Variants in DSCAML1 observed in about 807,000 individuals in gnomAD.
DSCAML1 encodes the protein cell adhesion molecule DSCAML1.
In DSCAML1, 38 loss-of-function variants were observed where a neutral mutation model predicts 200.5. That is an observed-to-expected ratio of 0.19 (90% CI 0.15 to 0.25). The LOEUF is 0.25. Ranked by LOEUF, DSCAML1 falls within the 10% of genes least tolerant of loss-of-function variation. The probability of loss-of-function intolerance (pLI) is 1.00; values close to 1 mark genes in which losing one functional copy is unlikely to be tolerated. For missense variants in DSCAML1, 2,223 were observed against 2,858.8 expected (o/e 0.78, Z 5.07); for synonymous variants, 1,215 against 1,165.0 (o/e 1.04, Z -0.87).
chr11:117,481,313 A>G, intron 12 of DSCAML1, 43 bp from the exon 13 acceptor site: 1 of 1,591,988 alleles, frequency 6.3e-7, no homozygotes, highest in Non-Finnish European at 8.6e-7. Flanking sequence ...GTAAACAGGG[A>G]GAGTCTTTTA....
intron 1 of DSCAML1, among the ~76,000 whole-genome samples, chr11:117,809,438 G>A (rs73018449): frequency 5.3e-4 from 81 of 152,372 alleles, no homozygotes; most frequent in Non-Finnish European, 1.1e-3. Flanking sequence ...GTCCTCCGCG[G>A]AAGGAAGCTC....
intron 11 of DSCAML1, among the ~76,000 whole-genome samples, chr11:117,483,174 A>G (rs1304465847): frequency 1.3e-5 from 2 of 152,118 alleles, no homozygotes; most frequent in African/African-American, 2.4e-5. Flanking sequence ...CTGCAGCGAA[A>G]CCCTGTCCCC....
chr11:117,432,289 G>T, intron 30 of DSCAML1, 63 bp downstream of exon 30: 7 of 1,514,298 alleles, frequency 4.6e-6, no homozygotes, highest in Non-Finnish European at 6.2e-6. Flanking sequence ...CCACCTCTGT[G>T]TCATGCTATG....
rs56765238 is a variant in DSCAML1 at position 117,515,610 on chromosome 11, CTTTTTTTTTTTTT to C, written c.1783+844_1783+856del. ...TGTCAAGGGCCCAGGAGGGACGAAG[CTTTTTTTTTTTTT>C]TTTTTTTTTTTTTGAGACAGAGTTT... On this transcript the variant is annotated intron_variant, in intron 8 of 32. Coordinates refer to ENST00000651296, the MANE Select transcript of DSCAML1 (RefSeq NM_020693.4). Among the ~76,000 whole-genome samples, 5 of 65,120 alleles carry C rather than the reference CTTTTTTTTTTTTT, an allele frequency of 7.7e-5. No homozygotes were observed. The South Asian group carries it at 2.5e-3, about 32-fold the overall frequency. 42.7% of individuals were successfully genotyped at this position (65,120 alleles called of 152,430 possible). A position where few individuals can be genotyped will look rare whatever the true frequency, so the allele number is the denominator to read the frequency against.
intron 17 of DSCAML1, among the ~76,000 whole-genome samples, chr11:117,462,655 T>C (rs1350308117): frequency 1.3e-5 from 2 of 152,208 alleles, no homozygotes; most frequent in Non-Finnish European, 1.5e-5. Flanking sequence ...TGTAAAAATA[T>C]AAGCACCATG....
At chr11:117,686,307 C>T (rs79078907) in intron 3 of DSCAML1, among the ~76,000 whole-genome samples, 7,029 of 152,334 alleles carry the variant, frequency 0.046, 246 homozygotes, top group Non-Finnish European at 0.058. Context: ...TCATACCGCC[C>T]TCTGTTGAGT....
At chr11:117,695,913 C>T (rs938734921) in intron 3 of DSCAML1, among the ~76,000 whole-genome samples, 9 of 151,978 alleles carry the variant, frequency 5.9e-5, no homozygotes, top group African/African-American at 9.7e-5. Flanking sequence ...GGATTAAATA[C>T]GACAAGTAAA....
At chr11:117,790,490 G>T (rs921301458) in intron 1 of DSCAML1, among the ~76,000 whole-genome samples, 6 of 152,244 alleles carry the variant, frequency 3.9e-5, no homozygotes, top group Non-Finnish European at 8.8e-5. Flanking sequence ...GCCCACGGAG[G>T]GGGAGACAGC....
At chr11:117,487,569 G>A (rs545549969) in intron 11 of DSCAML1, among the ~76,000 whole-genome samples, 9 of 152,162 alleles carry the variant, frequency 5.9e-5, no homozygotes, top group Admixed American at 1.3e-4. Context: ...TGGGCGGCCC[G>A]GTATCACTGG....
chr11:117,541,237 T>C (rs1354898552), intron 3 of DSCAML1, among the ~76,000 whole-genome samples: 3 of 152,274 alleles, frequency 2.0e-5, no homozygotes, highest in Non-Finnish European at 1.5e-5. Context: ...TGGAGAAGTC[T>C]TGTCTGACCA....
At chr11:117,797,304 C>T, upstream of DSCAML1, 1 of 1,318,404 alleles carries the variant, frequency 7.6e-7, no homozygotes, top group Admixed American at 4.2e-5. Context: ...CCCCCCGCGG[C>T]ACCCCGGGTG....
chr11:117,644,660 G>A (rs2052483802), intron 3 of DSCAML1, among the ~76,000 whole-genome samples: 2 of 152,232 alleles, frequency 1.3e-5, no homozygotes, highest in African/African-American at 4.8e-5. Context: ...AGCCGAGGGG[G>A]AGCCGCGGAG....
intron 18 of DSCAML1, among the ~76,000 whole-genome samples, chr11:117,460,321 G>C (rs2048453514): frequency 1.3e-5 from 2 of 152,128 alleles, no homozygotes; most frequent in Non-Finnish European, 1.5e-5. Context: ...TGGAAGTGGT[G>C]GTGGGGAAAG....
chr11:117,660,078 A>G (rs971567927), intron 3 of DSCAML1, among the ~76,000 whole-genome samples: 1 of 152,020 alleles, frequency 6.6e-6, no homozygotes, highest in African/African-American at 2.4e-5. Context: ...CTCTTTTCAT[A>G]TCATCCTTTC....
At chr11:117,731,986 C>G (rs1029684475) in intron 3 of DSCAML1, among the ~76,000 whole-genome samples, 7 of 152,184 alleles carry the variant, frequency 4.6e-5, no homozygotes, top group African/African-American at 1.7e-4. Context: ...TGTCATCTTC[C>G]TCTTCCTTCT....
chr11:117,811,800 TTAAG>T, intron 1 of DSCAML1, among the ~76,000 whole-genome samples: 2 of 152,296 alleles, frequency 1.3e-5, no homozygotes, highest in South Asian at 4.2e-4. Context: ...ATGCCGAGCT[TTAAG>T]TAACTCTCAC....
chr11:117,533,985 T>G (rs1173782739), intron 3 of DSCAML1, among the ~76,000 whole-genome samples: 1 of 152,170 alleles, frequency 6.6e-6, no homozygotes, highest in East Asian at 1.9e-4. Context: ...ATCAGGATAC[T>G]GATAGTGACT....
chr11:117,710,302 C>T (rs1465023650), intron 3 of DSCAML1, among the ~76,000 whole-genome samples: 1 of 152,276 alleles, frequency 6.6e-6, no homozygotes, highest in East Asian at 1.9e-4. Flanking sequence ...CTTCTCTGCA[C>T]CATCTCAAAA....
At chr11:117,431,392 C>T in intron 31 of DSCAML1, 142 bp downstream of exon 31, 1 of 761,844 alleles carries the variant, frequency 1.3e-6, no homozygotes, top group Non-Finnish European at 2.0e-6. Context: ...CACAGTGGGT[C>T]AGTGACCAGC....
Sources: gnomAD v4.1 joint callset for allele counts (sites outside exome capture counted in the v4.1 genomes callset) on GRCh38, gnomAD v4.1.1 for gene constraint, MANE v1.5 for transcripts, NCBI Gene and HGNC (gene_info 2026-07-23, HGNC 2026-07-21) for gene names.